Variants in ETV6 observed in about 807,000 individuals in gnomAD.
ETV6 encodes the protein ETS variant transcription factor 6.
In ETV6, 16 loss-of-function variants were observed where a neutral mutation model predicts 51.1. The ratio of observed to expected loss-of-function variants is 0.31; its 90% CI spans 0.21 to 0.48. ETV6 has a LOEUF of 0.48. Ranked by LOEUF, ETV6 falls within the 20% of genes least tolerant of loss-of-function variation. The pLI is 0.99. For missense variants in ETV6, 458 were observed against 594.8 expected (o/e 0.77, Z 2.39); for synonymous variants, 240 against 224.1 (o/e 1.07, Z -0.64).
chr12:11,857,528 G>A (rs1174784712), intron 4 of ETV6, among the ~76,000 whole-genome samples: 1 of 152,118 alleles, frequency 6.6e-6, no homozygotes, highest in Non-Finnish European at 1.5e-5. Context: ...TTATGGGAAG[G>A]GAGGGTGATT....
chr12:11,654,759 G>A (rs890266658), intron 1 of ETV6, among the ~76,000 whole-genome samples: 1 of 152,202 alleles, frequency 6.6e-6, no homozygotes, highest in Non-Finnish European at 1.5e-5. Flanking sequence ...AGGCCTGCAA[G>A]TTCTGTTTTG....
intron 1 of ETV6, chr12:11,751,330 C>A: frequency 1.9e-6 from 1 of 518,688 alleles, no homozygotes; most frequent in South Asian, 1.4e-5. Flanking sequence ...GTACGATTTT[C>A]TTTTGCTCTT....
At chr12:11,831,229 GTGTT>G (rs1428386942) in intron 2 of ETV6, among the ~76,000 whole-genome samples, 3 of 152,124 alleles carry the variant, frequency 2.0e-5, no homozygotes, top group African/African-American at 2.4e-5. Context: ...GTCTGTGTGT[GTGTT>G]TGTTTGTTTT....
intron 1 of ETV6, among the ~76,000 whole-genome samples, chr12:11,666,529 G>T (rs572329877): frequency 9.2e-5 from 14 of 152,330 alleles, no homozygotes; most frequent in African/African-American, 3.4e-4. Flanking sequence ...GTGTGTTAGG[G>T]TTATGAATCT....
At chr12:11,884,663 G>A (rs1053071997) in intron 6 of ETV6, 76 bp downstream of exon 6, 20 of 1,568,124 alleles carry the variant, frequency 1.3e-5, no homozygotes, top group South Asian at 5.6e-5. Flanking sequence ...GAGGATAATC[G>A]TCTGTCTTCT....
At chr12:11,731,568 G>A (rs905161168) in intron 1 of ETV6, among the ~76,000 whole-genome samples, 12 of 151,892 alleles carry the variant, frequency 7.9e-5, no homozygotes, top group African/African-American at 2.9e-4. Context: ...TGTCTTATTG[G>A]CCTTTAAGGA....
chr12:11,859,118 G>GCCTTT (rs1565555150), intron 4 of ETV6, among the ~76,000 whole-genome samples: 6 of 41,794 alleles, frequency 1.4e-4, no homozygotes, highest in African/African-American at 3.5e-4. Flanking sequence ...ATATGAATCT[G>GCCTTT]GTTTTTTTTT....
chr12:11,681,509 C>T (rs573422794), intron 1 of ETV6, among the ~76,000 whole-genome samples: 8 of 152,140 alleles, frequency 5.3e-5, no homozygotes, highest in African/African-American at 1.9e-4. Flanking sequence ...TCTTTCAGAC[C>T]ACAATTTAGT....
intron 5 of ETV6, among the ~76,000 whole-genome samples, chr12:11,879,898 G>A (rs769399522): frequency 7.2e-5 from 11 of 152,004 alleles, no homozygotes; most frequent in Non-Finnish European, 1.3e-4. Context: ...CATGGGTTCC[G>A]AAAAGGCTGA....
At chr12:11,790,527 G>C (rs1480483435) in intron 2 of ETV6, among the ~76,000 whole-genome samples, 1 of 152,052 alleles carries the variant, frequency 6.6e-6, no homozygotes, top group Non-Finnish European at 1.5e-5. Flanking sequence ...CATCCTGGAG[G>C]GTAGATTCTA....
At chr12:11,650,977 C>T (rs1863895676) in intron 1 of ETV6, among the ~76,000 whole-genome samples, 1 of 152,100 alleles carries the variant, frequency 6.6e-6, no homozygotes. Context: ...GCTGGGCTAC[C>T]CAGTAGTTGT....
intron 7 of ETV6, among the ~76,000 whole-genome samples, chr12:11,888,403 T>C (rs113071298): frequency 1.3e-4 from 8 of 63,146 alleles, no homozygotes; most frequent in African/African-American, 3.1e-4. Context: ...CTTTTCTTTT[T>C]TTTTTTTTTT....
chr12:11,869,168 A>G lies in ETV6; in HGVS notation c.464-256A>G, dbSNP rs887281607. 5.3e-5 allele frequency among the ~76,000 whole-genome samples: 8 copies of G among 151,862 alleles called. No individual in the cohort carries two copies. The highest frequency in any genetic ancestry group is 3.9e-4 in the Admixed American group (6 of 15,252). ...GGAGAATGGCATGAACCCGGGAGGC[A>G]GAGCTTGCAGTGAGCCGAGATCGTG... On this transcript the variant is annotated intron_variant, in intron 4 of 7. Transcript: ENST00000396373. This position sits in a 1 kb window ranked among gnomAD's most constrained non-coding sequence, Gnocchi z 5.0.
chr12:11,861,835 A>G (rs1441150197), intron 4 of ETV6, among the ~76,000 whole-genome samples: 2 of 152,162 alleles, frequency 1.3e-5, no homozygotes, highest in Non-Finnish European at 1.5e-5. Flanking sequence ...GGCCTTATAC[A>G]TGATTGAGAG....
chr12:11,854,554 T>G (rs1388768958), intron 4 of ETV6, among the ~76,000 whole-genome samples: 1 of 152,208 alleles, frequency 6.6e-6, no homozygotes, highest in Non-Finnish European at 1.5e-5. Flanking sequence ...CTCCCACTCT[T>G]TTATTACAGA....
intron 3 of ETV6, among the ~76,000 whole-genome samples, chr12:11,851,765 A>G (rs998420338): frequency 2.0e-5 from 3 of 152,252 alleles, no homozygotes; most frequent in Admixed American, 2.0e-4. Flanking sequence ...AGGTAGAGGT[A>G]GGAACAAAGT....
At chr12:11,818,759 C>G (rs1285840549) in intron 2 of ETV6, among the ~76,000 whole-genome samples, 2 of 151,970 alleles carry the variant, frequency 1.3e-5, no homozygotes, top group Admixed American at 6.6e-5. Context: ...GCTTCTCAAG[C>G]CTTGGGGTGT....
intron 1 of ETV6, among the ~76,000 whole-genome samples, chr12:11,695,278 G>A (rs1168205281): frequency 6.6e-6 from 1 of 152,186 alleles, no homozygotes; most frequent in African/African-American, 2.4e-5. Flanking sequence ...TCAGGGATAG[G>A]GACAGGGATA....
intron 5 of ETV6, 80 bp from the exon 6 acceptor site, chr12:11,884,365 G>A (rs1591749243): frequency 1.3e-6 from 2 of 1,505,686 alleles, no homozygotes; most frequent in East Asian, 2.3e-5. Context: ...AGCAGTTGCT[G>A]GATTCTTTTT....
Sources: allele counts gnomAD v4.1 joint callset (sites outside exome capture counted in the v4.1 genomes callset), GRCh38; gene constraint gnomAD v4.1.1; non-coding constraint Gnocchi (gnomAD v3.1); transcripts MANE v1.5; gene names NCBI Gene and HGNC (gene_info 2026-07-23, HGNC 2026-07-21).